ART3: variants seen among roughly 807,000 people sequenced by gnomAD.
ART3 encodes the protein ADP-ribosyltransferase 3 (inactive).
ART3 carries 49 observed loss-of-function variants against 48.5 expected under a neutral mutation model. That is an observed-to-expected ratio of 1.01 (90% CI 0.80 to 1.28). The LOEUF is 1.28. Among genes scored for constraint, ART3 ranks in the 50% most tolerant of loss-of-function variants. ART3 has a pLI of 0.00. For synonymous variants in ART3, 145 were observed against 157.2 expected (o/e 0.92, Z 0.58); for missense variants, 438 against 454.3 (o/e 0.96, Z 0.33).
At chr4:76,047,980 C>A (rs993591331) in intron 1 of ART3, among the ~76,000 whole-genome samples, 2 of 151,862 alleles carry the variant, frequency 1.3e-5, no homozygotes, top group Non-Finnish European at 2.9e-5. Flanking sequence ...GACAGGTACC[C>A]GGGTTGGGCC....
intron 2 of ART3, among the ~76,000 whole-genome samples, chr4:76,076,311 G>T (rs1309974414): frequency 6.6e-6 from 1 of 151,996 alleles, no homozygotes; most frequent in Non-Finnish European, 1.5e-5. Context: ...GCCTGGAATG[G>T]AAATTCTTGA....
chr4:76,098,810 A>T, intron 4 of ART3, 145 bp from the exon 5 acceptor site: 1 of 614,994 alleles, frequency 1.6e-6, no homozygotes, highest in Non-Finnish European at 2.7e-6. Context: ...TTGAAATTTT[A>T]TATCTGTTAT....
intron 1 of ART3, among the ~76,000 whole-genome samples, chr4:76,052,412 C>T (rs28648739): frequency 0.013 from 1,966 of 152,298 alleles, 40 homozygotes; most frequent in African/African-American, 0.045. Context: ...CCATACGGAA[C>T]TTCTCATGCT....
At chr4:76,037,702 G>T (rs1351903378) in intron 1 of ART3, among the ~76,000 whole-genome samples, 3 of 151,916 alleles carry the variant, frequency 2.0e-5, no homozygotes, top group African/African-American at 7.3e-5. Context: ...TCTTTAAAAA[G>T]ATTTTTACCT....
chr4:76,109,089 A>G (rs763388409), intron 11 of ART3, among the ~76,000 whole-genome samples: 10 of 152,186 alleles, frequency 6.6e-5, no homozygotes, highest in East Asian at 1.9e-4. Context: ...TCCTTCTTCA[A>G]TAGTAAATTA....
intron 3 of ART3, among the ~76,000 whole-genome samples, chr4:76,083,747 A>G (rs1722969448): frequency 6.6e-6 from 1 of 152,262 alleles, no homozygotes; most frequent in South Asian, 2.1e-4. Context: ...TCCTGATTAC[A>G]GGTCATTGAC....
intron 1 of ART3, chr4:76,021,848 C>T (rs1732848073): frequency 7.7e-7 from 1 of 1,294,884 alleles, no homozygotes; most frequent in African/African-American, 1.5e-5. Flanking sequence ...GACATATACT[C>T]CATGTAGGGA....
rs191257329 is a variant in ART3 at position 76,102,138 on chromosome 4, A to G, written c.937+1119A>G. Among the ~76,000 whole-genome samples the G allele has an allele frequency of 3.2e-3, 489 of 152,380 alleles. 2 individuals are homozygous for G. Among genetic ancestry groups the G allele is most frequent in the Non-Finnish European group, 5.7e-3 (388 of 68,036 alleles). Reference sequence around the variant, plus strand: ...CTTTAAAGACAGAGAAGAGCCAAAGAAAGTGGAAGCAAAGAACAGAGTATA... The same window carrying G: ...CTTTAAAGACAGAGAAGAGCCAAAGGAAGTGGAAGCAAAGAACAGAGTATA... On this transcript the variant is annotated intron_variant, in intron 8 of 11. Coordinates refer to ENST00000355810, the MANE Select transcript of ART3 (RefSeq NM_001130016.3).
At position 76,082,037 on chromosome 4, in the gene ART3, GGA is replaced by G; in HGVS notation, c.284_285del (p.Gly95AspfsTer22). 1 of 1,614,210 alleles carries G rather than the reference GGA, an allele frequency of 6.2e-7. No homozygotes were observed. Among genetic ancestry groups the G allele is most frequent in the Non-Finnish European group, 8.5e-7 (1 of 1,180,046 alleles). On this transcript the variant is annotated frameshift_variant, in exon 3 of 12. Coordinates refer to ENST00000355810, the MANE Select transcript of ART3 (RefSeq NM_001130016.3). LOFTEE classifies it high-confidence loss of function. ...CCCTATGAATTTTAAGGATAACCAT[GGA>G]ATAGCCCTGATGGCATATATTTCCG... is the stretch of plus-strand genomic sequence containing the variant. Reference protein sequence around the residue: ...FLPMNFKDNHGIALMAYISEA... With the variant: ...FLPMNFKDNHXIALMAYISEA...
chr4:76,050,641 C>T (rs528667126), intron 1 of ART3, among the ~76,000 whole-genome samples: 51 of 152,324 alleles, frequency 3.3e-4, no homozygotes, highest in African/African-American at 1.1e-3. Context: ...CTGCCAGTCC[C>T]GGTGCTGTGT....
intron 1 of ART3, among the ~76,000 whole-genome samples, chr4:76,056,737 C>T (rs961420767): frequency 6.6e-6 from 1 of 152,070 alleles, no homozygotes; most frequent in Non-Finnish European, 1.5e-5. Flanking sequence ...AAAATACGTA[C>T]TAGATTAGAT....
At chr4:76,097,595 A>G (rs1233437609) in intron 3 of ART3, 49 bp from the exon 4 acceptor site, 2 of 1,452,602 alleles carry the variant, frequency 1.4e-6, no homozygotes, top group Admixed American at 3.5e-5. Context: ...TGAAATATTT[A>G]CTAGGGTATA....
At chr4:76,024,858 G>C (rs552852395) in intron 1 of ART3, among the ~76,000 whole-genome samples, 3 of 152,200 alleles carry the variant, frequency 2.0e-5, no homozygotes, top group Non-Finnish European at 4.4e-5. Flanking sequence ...GGCAGATACT[G>C]TCTCAGAACC....
At chr4:76,091,786 A>G (rs1724963545) in intron 3 of ART3, among the ~76,000 whole-genome samples, 1 of 151,080 alleles carries the variant, frequency 6.6e-6, no homozygotes, top group African/African-American at 2.4e-5. Context: ...GGTTCAAGCA[A>G]TTCTCCTGCC....
intron 1 of ART3, among the ~76,000 whole-genome samples, chr4:76,039,026 A>G (rs974159741): frequency 2.0e-5 from 3 of 152,006 alleles, no homozygotes; most frequent in Non-Finnish European, 2.9e-5. Flanking sequence ...CCCAGCCCAC[A>G]TTCAGTTATT....
intron 1 of ART3, among the ~76,000 whole-genome samples, chr4:76,054,677 T>C (rs1311928398): frequency 6.6e-6 from 1 of 151,982 alleles, no homozygotes; most frequent in African/African-American, 2.4e-5. Flanking sequence ...TACTAAAAAT[T>C]TGAAAAATTA....
intron 1 of ART3, among the ~76,000 whole-genome samples, chr4:76,018,483 G>A (rs895181112): frequency 6.6e-6 from 1 of 151,986 alleles, no homozygotes; most frequent in African/African-American, 2.4e-5. Flanking sequence ...TACCTATCTG[G>A]TACTATGTTC....
upstream of ART3, among the ~76,000 whole-genome samples, chr4:76,071,943 G>T (rs1720358665): frequency 6.6e-6 from 1 of 152,022 alleles, no homozygotes; most frequent in Non-Finnish European, 1.5e-5. Context: ...TTGAGACAGG[G>T]TCTTACTCTG....
At chr4:76,071,582 C>G (rs1423219174), upstream of ART3, among the ~76,000 whole-genome samples, 2 of 152,184 alleles carry the variant, frequency 1.3e-5, no homozygotes, top group African/African-American at 4.8e-5. Flanking sequence ...CAGACCTGCT[C>G]TTAAACAAAA....
Sources: allele counts gnomAD v4.1 joint callset (sites outside exome capture counted in the v4.1 genomes callset), GRCh38; gene constraint gnomAD v4.1.1; transcripts MANE v1.5; gene names NCBI Gene and HGNC (gene_info 2026-07-23, HGNC 2026-07-21).